The following PDE1C variants were observed in gnomAD, a reference collection of about 807,000 sequenced individuals.
PDE1C encodes phosphodiesterase 1C.
A neutral mutation model predicts 93.1 loss-of-function variants in PDE1C; 62 were observed. That is an observed-to-expected ratio of 0.67 (90% CI 0.54 to 0.82). The LOEUF (loss-of-function observed/expected upper bound fraction) is 0.82. Among genes scored for constraint, PDE1C ranks in the 40% least tolerant of loss-of-function variants. The pLI is 0.00. For synonymous variants in PDE1C, 325 were observed against 310.1 expected, an observed-to-expected ratio of 1.05 and a Z score of -0.50; for missense variants, 742 against 884.6, an observed-to-expected ratio of 0.84 and a Z score of 2.04.
At chr7:31,801,334 A>T (rs556826476) in intron 16 of PDE1C, among the ~76,000 whole-genome samples, 2 of 151,472 alleles carry the variant, frequency 1.3e-5, no homozygotes, top group South Asian at 4.1e-4. Flanking sequence ...TAATACAAAC[A>T]TCCTTTCAAT....
intron 1 of PDE1C, among the ~76,000 whole-genome samples, chr7:32,281,869 C>G (rs1302923565): frequency 6.6e-6 from 1 of 152,226 alleles, no homozygotes; most frequent in South Asian, 2.1e-4. Flanking sequence ...CATGTCCTTT[C>G]TAGGAATATG....
the PDE1C span, among the ~76,000 whole-genome samples, chr7:31,729,822 G>C: frequency 2.6e-5 from 4 of 152,098 alleles, no homozygotes; most frequent in Non-Finnish European, 5.9e-5. Flanking sequence ...GTCCACTTGG[G>C]GAAGCAAAAT....
chr7:31,931,757 C>T (rs1340465865), intron 2 of PDE1C, among the ~76,000 whole-genome samples: 1 of 152,120 alleles, frequency 6.6e-6, no homozygotes, highest in African/African-American at 2.4e-5. Flanking sequence ...TCATATGGAA[C>T]CAAAAGAGAG....
At chr7:31,671,009 T>C in the PDE1C span, among the ~76,000 whole-genome samples, 19 of 152,110 alleles carry the variant, frequency 1.2e-4, no homozygotes, top group Admixed American at 1.2e-3. Flanking sequence ...ACCTTTCCAC[T>C]CCATCCCCTT....
rs557369096 is a variant in PDE1C, at chr7:32,310,902, T to C, written c.311-101363A>G. On this transcript the variant is annotated intron_variant, in intron 1 of 1. Coordinates refer to the PDE1C transcript ENST00000672256. ...GCAGAAGGCAAGAAATAACTAAAAT[T>C]AGAGCAGAACTGAAGGAAATAGAGA... is the stretch of plus-strand genomic sequence containing the variant. Among the ~76,000 whole-genome samples the C allele has an allele frequency of 6.5e-4, 98 of 151,850 alleles. No homozygotes were observed. The East Asian group carries it at 7.8e-3, about 12-fold the overall frequency.
intron 2 of PDE1C, among the ~76,000 whole-genome samples, chr7:31,955,637 G>T (rs565876929): frequency 5.2e-4 from 79 of 152,234 alleles, no homozygotes; most frequent in African/African-American, 1.7e-3. Context: ...CAGCACTCCA[G>T]GTTGAACATT....
intron 1 of PDE1C, among the ~76,000 whole-genome samples, chr7:32,382,709 T>A (rs529545408): frequency 1.8e-4 from 27 of 152,376 alleles, no homozygotes; most frequent in African/African-American, 6.0e-4. Flanking sequence ...GCACTTCCCA[T>A]ACTTCTCCTT....
intron 1 of PDE1C, among the ~76,000 whole-genome samples, chr7:32,274,033 C>G (rs1334860390): frequency 1.3e-5 from 2 of 151,916 alleles, no homozygotes; most frequent in Admixed American, 1.3e-4. Flanking sequence ...CACCAGAGGA[C>G]AGCAGGAAAG....
intron 2 of PDE1C, among the ~76,000 whole-genome samples, chr7:31,984,242 T>C (rs1405686497): frequency 6.6e-6 from 1 of 152,140 alleles, no homozygotes; most frequent in Non-Finnish European, 1.5e-5. Context: ...ACTGAGGCAT[T>C]AGATTCTCAT....
chr7:32,179,370 C>T (rs1214584491), intron 2 of PDE1C, among the ~76,000 whole-genome samples: 1 of 151,036 alleles, frequency 6.6e-6, no homozygotes, highest in Non-Finnish European at 1.5e-5. Context: ...AGCGATTTCT[C>T]CTGCTTCAGC....
chr7:31,815,791 A>G (rs376776348), intron 15 of PDE1C, 133 bp downstream of exon 15: 1 of 701,602 alleles, frequency 1.4e-6, no homozygotes, highest in Admixed American at 2.3e-5. Context: ...ATGAGGTGGG[A>G]TCAGAAGGAA....
At chr7:32,358,363 C>G (rs770455575) in intron 1 of PDE1C, among the ~76,000 whole-genome samples, 1 of 152,148 alleles carries the variant, frequency 6.6e-6, no homozygotes, top group Non-Finnish European at 1.5e-5. Flanking sequence ...CTAAATATGC[C>G]AAATAGCAGC....
chr7:31,930,139 C>T (rs984012646), intron 2 of PDE1C, among the ~76,000 whole-genome samples: 1 of 152,186 alleles, frequency 6.6e-6, no homozygotes, highest in African/African-American at 2.4e-5. Context: ...AACACCTCTA[C>T]ACAAATCAAC....
chr7:32,222,774 C>CT (rs1300415401), intron 1 of PDE1C, among the ~76,000 whole-genome samples: 1 of 152,196 alleles, frequency 6.6e-6, no homozygotes, highest in Non-Finnish European at 1.5e-5. Flanking sequence ...CATTAGGACT[C>CT]TAACATCAAA....
rs559786299 is a variant in PDE1C at position 32,084,861 on chromosome 7, A to G, written c.308+84924T>C. 1.3e-3 allele frequency among the ~76,000 whole-genome samples: 191 copies of G among 147,790 alleles called. 2 individuals carry two copies. The highest frequency in any genetic ancestry group is 4.3e-3 in the African/African-American group (172 of 39,956). ...GGGACGCATTCAAAGCAGTGTGTAG[A>G]GGGAAATTTATAGCACTAAAAGCCC... On this transcript the variant is annotated intron_variant, in intron 3 of 18. Transcript: ENST00000396193.
At chr7:32,256,016 G>A (rs1809771418) in intron 1 of PDE1C, among the ~76,000 whole-genome samples, 1 of 152,196 alleles carries the variant, frequency 6.6e-6, no homozygotes, top group African/African-American at 2.4e-5. Flanking sequence ...GCTTAAAAGT[G>A]GAGAAACCAT....
chr7:31,909,200 C>T (rs937027736), intron 2 of PDE1C, among the ~76,000 whole-genome samples: 1 of 152,120 alleles, frequency 6.6e-6, no homozygotes, highest in Non-Finnish European at 1.5e-5. Context: ...GTCAGTTCAT[C>T]GGGCTCTACT....
chr7:31,618,405 G>C, the PDE1C span, among the ~76,000 whole-genome samples: 2 of 152,134 alleles, frequency 1.3e-5, no homozygotes, highest in Admixed American at 1.3e-4. Flanking sequence ...TTAGGCTATT[G>C]AAGAAGAGGC....
chr7:32,187,828 T>C (rs922245230), intron 2 of PDE1C, among the ~76,000 whole-genome samples: 1 of 152,232 alleles, frequency 6.6e-6, no homozygotes, highest in Admixed American at 6.5e-5. Context: ...TTTTATATTA[T>C]TTTACTTTTT....
Sources: allele counts gnomAD v4.1 joint callset (sites outside exome capture counted in the v4.1 genomes callset), GRCh38; gene constraint gnomAD v4.1.1; transcripts MANE v1.5; gene names NCBI Gene and HGNC (gene_info 2026-07-23, HGNC 2026-07-21).